The following TBC1D8 variants were observed in gnomAD, a reference collection of about 807,000 sequenced individuals.
TBC1D8 encodes the protein BUB2-like protein 1.
A neutral mutation model predicts 118.8 loss-of-function variants in TBC1D8; 65 were observed. The observed-to-expected ratio is 0.55, with a 90% CI of 0.45 to 0.67. The LOEUF is 0.67. Ranked by LOEUF, TBC1D8 falls within the 30% of genes least tolerant of loss-of-function variation. TBC1D8 has a pLI of 0.00. For synonymous variants in TBC1D8, 566 were observed against 595.8 expected (o/e 0.95, Z 0.73); for missense variants, 1,376 against 1,471.2 (o/e 0.94, Z 1.06).
At chr2:101,107,296 G>A (rs1677285915) in intron 1 of TBC1D8, among the ~76,000 whole-genome samples, 1 of 152,166 alleles carries the variant, frequency 6.6e-6, no homozygotes, top group African/African-American at 2.4e-5. Flanking sequence ...TGGGCTAAGA[G>A]ATACCCCAAT....
At chr2:101,016,241 A>G (rs1447224658) in intron 17 of TBC1D8, among the ~76,000 whole-genome samples, 1 of 152,214 alleles carries the variant, frequency 6.6e-6, no homozygotes, top group African/African-American at 2.4e-5. Context: ...AAAACAAACA[A>G]CGCCATCAAA....
chr2:101,040,522 T>A, intron 5 of TBC1D8, 137 bp from the exon 6 acceptor site: 1 of 853,170 alleles, frequency 1.2e-6, no homozygotes, highest in Non-Finnish European at 1.8e-6. Flanking sequence ...CAGGATGGAG[T>A]GCAGTGGTGC....
At chr2:101,137,406 G>A (rs1484757327) in intron 1 of TBC1D8, among the ~76,000 whole-genome samples, 4 of 151,726 alleles carry the variant, frequency 2.6e-5, no homozygotes, top group East Asian at 3.9e-4. Flanking sequence ...TCCGCCTCCC[G>A]GGTTCACGCC....
rs535448414 is a variant in TBC1D8 at position 101,133,029 on chromosome 2, G to A, written c.127+18098C>T. Among the ~76,000 whole-genome samples the A allele has an allele frequency of 1.3e-4, 19 of 151,118 alleles. No homozygotes were observed. In the South Asian group the frequency reaches 2.3e-3, roughly 19 times the overall value. On this transcript the variant is annotated intron_variant, in intron 1 of 19. Coordinates refer to ENST00000409318, the MANE Select transcript of TBC1D8 (RefSeq NM_001330348.2). ...TCTCAAATTAGCTAGGCGTGGTGGC[G>A]GGCGCCTGTAATCCCAGCTACTCGG...
At chr2:101,022,173 C>A (rs1247588664) in intron 16 of TBC1D8, 108 bp downstream of exon 16, 2 of 1,534,084 alleles carry the variant, frequency 1.3e-6, no homozygotes, top group Non-Finnish European at 1.8e-6. Context: ...AGGCCAGTCA[C>A]AAAAGTGTTA....
intron 17 of TBC1D8, chr2:101,019,264 TCTTTAGGCAC>T: frequency 2.3e-6 from 1 of 431,956 alleles, no homozygotes; most frequent in Non-Finnish European, 4.1e-6. Flanking sequence ...TGAAGAGAAT[TCTTTAGGCAC>T]ACAAATTCAC....
rs1319510625 is a variant in TBC1D8 at position 101,007,363 on chromosome 2, G to GAAAC, written c.*454_*457dup. 2 of 157,428 alleles carry GAAAC rather than the reference G, an allele frequency of 1.3e-5. No homozygotes were observed. Among genetic ancestry groups the GAAAC allele is most frequent in the East Asian group, 1.8e-4 (1 of 5,412 alleles). 9.8% of individuals were successfully genotyped at this position (157,428 alleles called of 1,614,324 possible). On this transcript the variant is annotated 3_prime_UTR_variant, in exon 20 of 20. Coordinates refer to ENST00000409318, the MANE Select transcript of TBC1D8 (RefSeq NM_001330348.2). ...TAAAATGGTTTCAATTACCAGCATTGAAACAGTGCAAAAAAAAGCCAAATA... is the reference window on the plus strand; with the variant it reads ...TAAAATGGTTTCAATTACCAGCATTGAAACAAACAGTGCAAAAAAAAGCCAAATA...
intron 17 of TBC1D8, among the ~76,000 whole-genome samples, chr2:101,017,343 ACATT>A (rs779266836): frequency 1.8e-4 from 27 of 152,166 alleles, no homozygotes; most frequent in Non-Finnish European, 1.0e-4. Context: ...TAAACCAATA[ACATT>A]CATTATCATT....
chr2:101,059,806 GCGGGCACCTGTAGTCCCAGCTACT>G (rs914190409), intron 2 of TBC1D8, among the ~76,000 whole-genome samples: 1 of 152,176 alleles, frequency 6.6e-6, no homozygotes, highest in Non-Finnish European at 1.5e-5. Context: ...GGGCGTGGTG[GCGGGCACCTGTAGTCCCAGCTACT>G]CGGGAGGCTG....
intron 2 of TBC1D8, among the ~76,000 whole-genome samples, chr2:101,074,773 A>G (rs929641746): frequency 2.6e-5 from 4 of 152,234 alleles, no homozygotes; most frequent in Non-Finnish European, 5.9e-5. Flanking sequence ...AGTTATAACT[A>G]TGTAGTTTTA....
intron 2 of TBC1D8, among the ~76,000 whole-genome samples, chr2:101,085,004 A>C (rs554843666): frequency 1.3e-5 from 2 of 151,900 alleles, no homozygotes; most frequent in Admixed American, 1.3e-4. Context: ...ACCTGCCACC[A>C]GGCCCAGCTA....
At chr2:101,056,833 GT>G (rs993248246) in intron 3 of TBC1D8, among the ~76,000 whole-genome samples, 1 of 152,116 alleles carries the variant, frequency 6.6e-6, no homozygotes, top group African/African-American at 2.4e-5. Flanking sequence ...GTGGTTTCTG[GT>G]TATAGGCACA....
intron 5 of TBC1D8, among the ~76,000 whole-genome samples, chr2:101,046,276 G>A (rs1371960133): frequency 2.0e-5 from 3 of 152,200 alleles, no homozygotes; most frequent in Non-Finnish European, 2.9e-5. Context: ...ACAGGCGGTC[G>A]GCACGAAGGG....
rs936696432 is a variant in TBC1D8, at chr2:101,022,359, G to A, written c.2683C>T (p.Leu895Phe). 5.0e-6 allele frequency: 8 copies of A among 1,612,618 alleles called. No individual in the cohort carries two copies. Among genetic ancestry groups the A allele is most frequent in the Non-Finnish European group, 6.8e-6 (8 of 1,179,534 alleles). The stretch of plus-strand genomic sequence containing the variant: ...AAGAGCCTGAACGTCCTTTCGGCGA[G>A]GATCTCCGTGTGGGCCCCGCAGGTC... ...PWTCGAHTEI[L>F]AERTFRLLDD... Residue 895 changes from leucine (L) to phenylalanine (F), a missense_variant, in exon 16 of 20, where the codon CTC becomes TTC. Transcript: ENST00000409318.
intron 1 of TBC1D8, among the ~76,000 whole-genome samples, chr2:101,135,027 C>A (rs1351490895): frequency 6.6e-6 from 1 of 152,096 alleles, no homozygotes; most frequent in African/African-American, 2.4e-5. Context: ...CAATAATTAG[C>A]CGGGTGTGGT....
chr2:101,072,564 G>A (rs1050425028), intron 2 of TBC1D8, among the ~76,000 whole-genome samples: 2 of 152,132 alleles, frequency 1.3e-5, no homozygotes, highest in Non-Finnish European at 2.9e-5. Flanking sequence ...GGACCATGGG[G>A]GATGGTTTTG....
chr2:101,019,904 T>TAA (rs35987226), intron 17 of TBC1D8, among the ~76,000 whole-genome samples: 185 of 150,030 alleles, frequency 1.2e-3, no homozygotes, highest in Middle Eastern at 6.8e-3. Context: ...CTATCTCTGC[T>TAA]AAAAAAAAAT....
At chr2:101,075,009 A>G (rs4851397) in intron 2 of TBC1D8, among the ~76,000 whole-genome samples, 133,857 of 152,182 alleles carry the variant, frequency 0.88, 59,305 homozygotes, top group African/African-American at 0.97. Context: ...AGGAATGACC[A>G]ATTCCAAATA....
intron 2 of TBC1D8, among the ~76,000 whole-genome samples, chr2:101,089,023 T>C (rs1197716041): frequency 6.6e-6 from 1 of 152,194 alleles, no homozygotes; most frequent in African/African-American, 2.4e-5. Context: ...ATGTGAATTC[T>C]CTTCACACTT....
Sources: allele counts gnomAD v4.1 joint callset (sites outside exome capture counted in the v4.1 genomes callset), GRCh38; gene constraint gnomAD v4.1.1; transcripts MANE v1.5; gene names NCBI Gene and HGNC (gene_info 2026-07-23, HGNC 2026-07-21).